Variants in DGKH observed in about 807,000 individuals in gnomAD.
The protein encoded by DGKH is DAG kinase eta.
DGKH carries 90 observed loss-of-function variants against 159.3 expected under a neutral mutation model. The ratio of observed to expected loss-of-function variants is 0.57; its 90% CI spans 0.48 to 0.67. The LOEUF (loss-of-function observed/expected upper bound fraction) is 0.67. DGKH is among the 30% of genes least tolerant of loss of function. The probability of loss-of-function intolerance (pLI) is 0.00; values close to 1 mark genes in which losing one functional copy is unlikely to be tolerated. For synonymous variants in DGKH, 536 were observed against 553.8 expected (o/e 0.97, Z 0.45); for missense variants, 1,181 against 1,506.1 (o/e 0.78, Z 3.57).
rs1244648275 is a variant in DGKH at position 42,233,869 on chromosome 13, G to A, written c.*4681G>A. The A allele has an allele frequency of 6.6e-6, 1 of 152,168 alleles. No homozygotes were observed. The highest frequency in any genetic ancestry group is 1.9e-4 in the East Asian group (1 of 5,200). 9.4% of individuals were successfully genotyped at this position (152,168 alleles called of 1,614,324 possible). ...ACATTTTCATTTTCTCTTATCAGTA[G>A]ATTGTCCTTGTTGACATAGCTCATG... On this transcript the variant is annotated 3_prime_UTR_variant, in exon 30 of 30. Coordinates refer to ENST00000337343, the MANE Select transcript of DGKH (RefSeq NM_178009.5).
chr13:42,248,616 A>G (rs1348730212), intron 29 of DGKH, among the ~76,000 whole-genome samples: 1 of 147,660 alleles, frequency 6.8e-6, no homozygotes, highest in Non-Finnish European at 1.5e-5. Flanking sequence ...TATATAATAC[A>G]TAATATATAT....
intron 17 of DGKH, 95 bp from the exon 18 acceptor site, chr13:42,198,383 A>G: frequency 9.3e-7 from 1 of 1,075,114 alleles, no homozygotes; most frequent in East Asian, 2.4e-5. Context: ...CCTTGCTTTT[A>G]AAAGTAAGAT....
intron 3 of DGKH, among the ~76,000 whole-genome samples, chr13:42,144,282 T>C (rs1594088587): frequency 6.6e-6 from 1 of 152,018 alleles, no homozygotes; most frequent in Non-Finnish European, 1.5e-5. Flanking sequence ...CTCTGGAAAA[T>C]CCCAGAGATG....
chr13:42,221,640 A>T (rs1018974160), intron 29 of DGKH, among the ~76,000 whole-genome samples: 6 of 152,220 alleles, frequency 3.9e-5, no homozygotes, highest in East Asian at 1.9e-4. Context: ...TTTTCTCTGC[A>T]TCTAGTGATA....
At chr13:42,041,368 T>A (rs1333195662) in intron 1 of DGKH, among the ~76,000 whole-genome samples, 1 of 152,020 alleles carries the variant, frequency 6.6e-6, no homozygotes, top group East Asian at 1.9e-4. Context: ...CTGGAGAGGC[T>A]GAGCGCGGCG....
intron 3 of DGKH, among the ~76,000 whole-genome samples, chr13:42,141,086 T>C (rs1425105911): frequency 8.2e-5 from 10 of 121,368 alleles, no homozygotes; most frequent in Non-Finnish European, 1.7e-4. Context: ...CAGTGCGTGA[T>C]GTTCCCCTTC....
chr13:42,080,931 C>T (rs906938914), intron 1 of DGKH, among the ~76,000 whole-genome samples: 13 of 152,002 alleles, frequency 8.6e-5, no homozygotes, highest in African/African-American at 1.4e-4. Context: ...ACTTTACAGG[C>T]GAGGAAACTA....
intron 24 of DGKH, 140 bp from the exon 25 acceptor site, chr13:42,214,367 T>C (rs1326980217): frequency 1.3e-5 from 8 of 621,484 alleles, no homozygotes; most frequent in Non-Finnish European, 2.1e-5. Flanking sequence ...CCATTCATAA[T>C]TGAGCAGCCA....
chr13:42,204,221 A>G (rs1957409615), intron 20 of DGKH, among the ~76,000 whole-genome samples: 1 of 152,182 alleles, frequency 6.6e-6, no homozygotes, highest in Non-Finnish European at 1.5e-5. Context: ...GATTTAAAGC[A>G]GCTTTTTCTA....
At chr13:42,127,402 G>A (rs1470922975) in intron 1 of DGKH, 61 bp from the exon 2 acceptor site, 1 of 1,249,966 alleles carries the variant, frequency 8.0e-7, no homozygotes, top group Non-Finnish European at 1.2e-6. Flanking sequence ...CATTGGCTCT[G>A]AATTTCATTT....
intron 1 of DGKH, among the ~76,000 whole-genome samples, chr13:42,067,709 A>C (rs535111851): frequency 1.3e-5 from 2 of 149,704 alleles, no homozygotes; most frequent in Non-Finnish European, 3.0e-5. Context: ...TAATTAATTA[A>C]TTTTTTTTTT....
At chr13:42,142,805 A>AT (rs1326810844) in intron 3 of DGKH, among the ~76,000 whole-genome samples, 1 of 152,134 alleles carries the variant, frequency 6.6e-6, no homozygotes, top group East Asian at 1.9e-4. Flanking sequence ...GGCTGAGACG[A>AT]TGGGGTTTTC....
At chr13:42,224,488 C>T (rs761019429) in intron 29 of DGKH, among the ~76,000 whole-genome samples, 10 of 152,300 alleles carry the variant, frequency 6.6e-5, no homozygotes, top group Non-Finnish European at 1.0e-4. Flanking sequence ...CTGGTCTTTC[C>T]GCTGCCACTC....
In DGKH at chr13:42,215,479, G is replaced by A. The variant is rs1957766206; in HGVS notation, c.3121-96G>A. ...TTTTGGTAGATTAAAAATGTGTGCT[G>A]TGAATTTAAATTATAAGAATAAAAT... On this transcript the variant is annotated intron_variant, in intron 25 of 29. Coordinates refer to ENST00000337343, the MANE Select transcript of DGKH (RefSeq NM_178009.5). The A allele has an allele frequency of 4.1e-6, 4 of 967,342 alleles. No homozygotes were observed. In the East Asian group the frequency reaches 8.1e-5, roughly 20 times the overall value. 59.9% of individuals were successfully genotyped at this position (967,342 alleles called of 1,614,324 possible).
intron 1 of DGKH, among the ~76,000 whole-genome samples, chr13:42,041,199 T>C (rs1331107186): frequency 2.0e-5 from 3 of 151,024 alleles, no homozygotes; most frequent in African/African-American, 7.4e-5. Context: ...CTTCACCGAC[T>C]CCTCAACTTT....
chr13:42,171,620 T>C (rs1171096772), intron 11 of DGKH, among the ~76,000 whole-genome samples: 2 of 152,248 alleles, frequency 1.3e-5, no homozygotes, highest in Non-Finnish European at 2.9e-5. Context: ...ACTTTTATGT[T>C]TCTACTCGTG....
At chr13:42,048,117 TG>T (rs1454175706), upstream of DGKH, among the ~76,000 whole-genome samples, 1 of 3,948 alleles carries the variant, frequency 2.5e-4, no homozygotes, top group East Asian at 8.1e-3. The surrounding 1 kb of genome is among the most constrained non-coding windows in gnomAD (Gnocchi z 6.7). Flanking sequence ...GTCCTCGGAG[TG>T]GGGCTGGGGG....
intron 1 of DGKH, among the ~76,000 whole-genome samples, chr13:42,117,346 T>C (rs898923846): frequency 6.6e-6 from 1 of 152,250 alleles, no homozygotes; most frequent in Non-Finnish European, 1.5e-5. Context: ...CACTTGCTTT[T>C]TTCTTAACCA....
intron 2 of DGKH, 106 bp downstream of exon 2, chr13:42,127,679 T>C: frequency 1.3e-6 from 1 of 776,066 alleles, no homozygotes; most frequent in Non-Finnish European, 2.2e-6. Flanking sequence ...AGCATTATGC[T>C]CTTATATGAA....
Sources: allele counts gnomAD v4.1 joint callset (sites outside exome capture counted in the v4.1 genomes callset), GRCh38; gene constraint gnomAD v4.1.1; non-coding constraint Gnocchi (gnomAD v3.1); transcripts MANE v1.5; gene names NCBI Gene and HGNC (gene_info 2026-07-23, HGNC 2026-07-21).